The following DLGAP2 variants were observed in gnomAD, a reference collection of about 807,000 sequenced individuals.
DLGAP2 encodes the protein DLG associated protein 2, also known as disks large-associated protein 2.
Under a neutral mutation model 100.3 loss-of-function variants are expected in DLGAP2, and 26 were observed. The observed-to-expected ratio is 0.26, with a 90% CI of 0.19 to 0.36. DLGAP2 has a LOEUF of 0.36. Among genes scored for constraint, DLGAP2 ranks in the 10% least tolerant of loss-of-function variants. DLGAP2 has a pLI of 1.00. For synonymous variants in DLGAP2, 886 were observed against 630.1 expected (o/e 1.41, Z -6.08); for missense variants, 1,858 against 1,453.2 (o/e 1.28, Z -4.53).
intron 1 of DLGAP2, among the ~76,000 whole-genome samples, chr8:823,769 G>A (rs1796632184): frequency 6.6e-6 from 1 of 152,182 alleles, no homozygotes; most frequent in Admixed American, 6.5e-5. Flanking sequence ...CGCAGCACGG[G>A]GAGCTGTCAG....
At chr8:744,247 G>T (rs1338810547) in intron 1 of DLGAP2, among the ~76,000 whole-genome samples, 1 of 152,124 alleles carries the variant, frequency 6.6e-6, no homozygotes, top group Non-Finnish European at 1.5e-5. Flanking sequence ...ACGAGATTGG[G>T]TTGGGAAGGT....
chr8:901,725 C>G (rs958473124), intron 1 of DLGAP2, among the ~76,000 whole-genome samples: 1 of 152,228 alleles, frequency 6.6e-6, no homozygotes, highest in African/African-American at 2.4e-5. Flanking sequence ...GATGGCAGCA[C>G]GGGGCGTCCC....
At chr8:1,255,972 TGC>T (rs1407739316) in intron 2 of DLGAP2, among the ~76,000 whole-genome samples, 1 of 112,952 alleles carries the variant, frequency 8.9e-6, no homozygotes, top group African/African-American at 3.9e-5. Context: ...CCTCTCATCC[TGC>T]GTGGGTGCTG....
intron 1 of DLGAP2, among the ~76,000 whole-genome samples, chr8:834,732 G>A (rs1244180954): frequency 6.6e-6 from 1 of 152,162 alleles, no homozygotes; most frequent in African/African-American, 2.4e-5. Context: ...CTCAGTACCT[G>A]AGTGACAGGA....
chr8:1,428,302 A>G (rs1169157754), intron 3 of DLGAP2, among the ~76,000 whole-genome samples: 6 of 152,164 alleles, frequency 3.9e-5, no homozygotes, highest in Non-Finnish European at 2.9e-5. Flanking sequence ...AAAAAGCTAG[A>G]TAAAAAGGAC....
chr8:1,497,973 A>G (rs1194808153), intron 3 of DLGAP2, among the ~76,000 whole-genome samples: 1 of 152,194 alleles, frequency 6.6e-6, no homozygotes, highest in African/African-American at 2.4e-5. Context: ...TGTGGTCAAG[A>G]TACAGCTTTT....
chr8:1,690,153 C>T (rs577497250), intron 12 of DLGAP2, among the ~76,000 whole-genome samples: 1 of 151,602 alleles, frequency 6.6e-6, no homozygotes, highest in Admixed American at 6.6e-5. Flanking sequence ...GTCAGGAGTT[C>T]GAGACCAGCC....
intron 1 of DLGAP2, among the ~76,000 whole-genome samples, chr8:873,575 A>G (rs759453509): frequency 6.6e-6 from 1 of 152,128 alleles, no homozygotes; most frequent in Non-Finnish European, 1.5e-5. Flanking sequence ...CATTCATTTT[A>G]CTAATATTTT....
chr8:1,032,508 T>C (rs1375650747), intron 2 of DLGAP2: 1 of 152,240 alleles, frequency 6.6e-6, no homozygotes, highest in Non-Finnish European at 1.5e-5. Flanking sequence ...TGGCTACATA[T>C]TACAGGACTA....
intron 2 of DLGAP2, among the ~76,000 whole-genome samples, chr8:1,145,312 C>T (rs1049744563): frequency 1.3e-5 from 2 of 152,166 alleles, no homozygotes; most frequent in African/African-American, 4.8e-5. Context: ...TTTTTAATCC[C>T]CTCCCATGAG....
At chr8:798,024 A>G (rs1796069635) in intron 1 of DLGAP2, among the ~76,000 whole-genome samples, 1 of 152,202 alleles carries the variant, frequency 6.6e-6, no homozygotes, top group South Asian at 2.1e-4. Context: ...TGCTGGGATT[A>G]CAGGCGTGAG....
At chr8:1,013,689 CGAT>C (rs1291248736) in intron 2 of DLGAP2, among the ~76,000 whole-genome samples, 8 of 92,726 alleles carry the variant, frequency 8.6e-5, no homozygotes, top group African/African-American at 4.7e-4. Context: ...CCAGGACAGA[CGAT>C]GCCTCCATTG....
At chr8:1,117,014 G>T (rs141597316) in intron 2 of DLGAP2, among the ~76,000 whole-genome samples, 4 of 152,202 alleles carry the variant, frequency 2.6e-5, no homozygotes, top group Non-Finnish European at 5.9e-5. Context: ...TAAACCCGAT[G>T]TGCAGTCCTC....
At chr8:1,322,896 A>G (rs1563082587) in intron 3 of DLGAP2, among the ~76,000 whole-genome samples, 2 of 152,160 alleles carry the variant, frequency 1.3e-5, no homozygotes, top group Non-Finnish European at 2.9e-5. Flanking sequence ...ATCATTGTGT[A>G]CTATTATCGG....
At chr8:979,057 A>C (rs909296408) in intron 2 of DLGAP2, among the ~76,000 whole-genome samples, 18 of 152,132 alleles carry the variant, frequency 1.2e-4, no homozygotes, top group African/African-American at 4.3e-4. Flanking sequence ...GTTCAGGAGC[A>C]TGCAGTCCGA....
chr8:1,371,474 C>T (rs896993763), intron 3 of DLGAP2, among the ~76,000 whole-genome samples: 6 of 152,176 alleles, frequency 3.9e-5, no homozygotes, highest in African/African-American at 1.2e-4. Flanking sequence ...CTCTGCCCAG[C>T]GCGTTGCTGC....
intron 1 of DLGAP2, among the ~76,000 whole-genome samples, chr8:778,336 T>C (rs1821585070): frequency 6.6e-6 from 1 of 152,250 alleles, no homozygotes; most frequent in African/African-American, 2.4e-5. Flanking sequence ...GAAGCCTTCT[T>C]CTCTCAGCTC....
At chr8:934,802 T>C (rs1001570308) in intron 2 of DLGAP2, among the ~76,000 whole-genome samples, 8 of 152,158 alleles carry the variant, frequency 5.3e-5, no homozygotes, top group Non-Finnish European at 8.8e-5. Context: ...TTCAAGGCTA[T>C]TCTGTCTGAA....
At chr8:1,101,369 A>T (rs1379542039) in intron 2 of DLGAP2, among the ~76,000 whole-genome samples, 1 of 152,148 alleles carries the variant, frequency 6.6e-6, no homozygotes, top group East Asian at 1.9e-4. Flanking sequence ...TGTTTATTAG[A>T]ATTCCGCCAC....
Sources: allele counts gnomAD v4.1 joint callset (sites outside exome capture counted in the v4.1 genomes callset), GRCh38; gene constraint gnomAD v4.1.1; transcripts MANE v1.5; gene names NCBI Gene and HGNC (gene_info 2026-07-23, HGNC 2026-07-21).